The following NYAP2 variants were observed in gnomAD, a reference collection of about 807,000 sequenced individuals.
The protein encoded by NYAP2 is neuronal tyrosine-phosphorylated phosphoinositide-3-kinase adapter 2.
NYAP2 carries 23 observed loss-of-function variants against 50.4 expected under a neutral mutation model. That is an observed-to-expected ratio of 0.46 (90% CI 0.33 to 0.65). The LOEUF (loss-of-function observed/expected upper bound fraction) is 0.65, where lower values mean the gene tolerates loss of function less well. NYAP2 is among the 30% of genes least tolerant of loss of function. The pLI is 0.02. For missense variants in NYAP2, 885 were observed against 861.0 expected, an observed-to-expected ratio of 1.03 and a Z score of -0.35; for synonymous variants, 394 against 365.2, an observed-to-expected ratio of 1.08 and a Z score of -0.90.
chr2:225,509,285 G>A (rs1444545979), intron 3 of NYAP2, among the ~76,000 whole-genome samples: 1 of 152,142 alleles, frequency 6.6e-6, no homozygotes, highest in African/African-American at 2.4e-5. Flanking sequence ...AGTATCAAGA[G>A]GCACCCAAGT....
chr2:225,465,852 T>A (rs78935611), intron 3 of NYAP2, among the ~76,000 whole-genome samples: 4 of 152,206 alleles, frequency 2.6e-5, no homozygotes, highest in Non-Finnish European at 5.9e-5. Context: ...TACTAAAGTG[T>A]ACTTAATCTT....
chr2:225,700,055 CA>C, the NYAP2 span: 1 of 151,742 alleles, frequency 6.6e-6, no homozygotes, highest in Non-Finnish European at 1.5e-5. Flanking sequence ...GTATTGACAG[CA>C]ATAGTTCAGT....
chr2:225,688,914 T>C, the NYAP2 span, among the ~76,000 whole-genome samples: 1 of 152,124 alleles, frequency 6.6e-6, no homozygotes, highest in Non-Finnish European at 1.5e-5. Context: ...GGCTAATTTT[T>C]GTATTTTTAG....
chr2:225,661,303 GT>G, the NYAP2 span, among the ~76,000 whole-genome samples: 1 of 152,180 alleles, frequency 6.6e-6, no homozygotes, highest in Non-Finnish European at 1.5e-5. Context: ...TTTGCCATGA[GT>G]TTTTTACTCA....
chr2:225,427,032 G>T (rs953139066), intron 3 of NYAP2, among the ~76,000 whole-genome samples: 1 of 152,170 alleles, frequency 6.6e-6, no homozygotes, highest in African/African-American at 2.4e-5. Context: ...GTTTAGTTTA[G>T]ATTTTTATTG....
chr2:225,494,719 A>G (rs2106173338), intron 3 of NYAP2, among the ~76,000 whole-genome samples: 1 of 152,300 alleles, frequency 6.6e-6, no homozygotes, highest in Non-Finnish European at 1.5e-5. Flanking sequence ...GTCTATGGAA[A>G]GGTTATTTAC....
chr2:225,604,522 G>A (rs1692751295), intron 5 of NYAP2, among the ~76,000 whole-genome samples: 1 of 152,068 alleles, frequency 6.6e-6, no homozygotes, highest in African/African-American at 2.4e-5. Context: ...CTGAAACAGA[G>A]CTCCAGTTCT....
intron 2 of NYAP2, among the ~76,000 whole-genome samples, chr2:225,408,081 T>C (rs1231553458): frequency 6.6e-6 from 1 of 151,964 alleles, no homozygotes; most frequent in African/African-American, 2.4e-5. Context: ...TAGTTGAAAT[T>C]CCTATGCTTT....
intron 3 of NYAP2, among the ~76,000 whole-genome samples, chr2:225,424,126 G>A (rs923860406): frequency 1.3e-5 from 2 of 152,214 alleles, no homozygotes; most frequent in South Asian, 2.1e-4. Flanking sequence ...GTGAAAAAGA[G>A]AGTCTCTCTC....
intron 3 of NYAP2, among the ~76,000 whole-genome samples, chr2:225,483,446 T>C (rs1690240932): frequency 6.6e-6 from 1 of 152,180 alleles, no homozygotes; most frequent in Non-Finnish European, 1.5e-5. Context: ...AAAGAAATAG[T>C]ATTGTTTTCT....
At chr2:225,622,579 C>CTT (rs1559232990) in intron 5 of NYAP2, among the ~76,000 whole-genome samples, 104 of 71,582 alleles carry the variant, frequency 1.5e-3, no homozygotes, top group Middle Eastern at 9.3e-3. Flanking sequence ...TTCTTTCTTT[C>CTT]TTCTTTCTTT....
In NYAP2 at chr2:225,518,249, A is replaced by G. The variant is rs532725765; in HGVS notation, c.523+4577A>G. 2.6e-5 allele frequency among the ~76,000 whole-genome samples: 4 copies of G among 152,020 alleles called. No individual in the cohort carries two copies. In the East Asian group the frequency reaches 7.8e-4, roughly 29 times the overall value. ...GGAAGACATTATGTAAAATGAAATT[A>G]GCTAAGCACAGAAAGACAGATACTG... On this transcript the variant is annotated intron_variant, in intron 4 of 6. Transcript: ENST00000636099.
At chr2:225,506,766 T>C (rs1202005803) in intron 3 of NYAP2, among the ~76,000 whole-genome samples, 1 of 152,074 alleles carries the variant, frequency 6.6e-6, no homozygotes, top group Non-Finnish European at 1.5e-5. Flanking sequence ...ATTCCAAGAG[T>C]TAACAGGTGA....
chr2:225,429,218 C>T (rs1361368215), intron 3 of NYAP2, among the ~76,000 whole-genome samples: 1 of 152,038 alleles, frequency 6.6e-6, no homozygotes, highest in Non-Finnish European at 1.5e-5. Context: ...AATGACCTGC[C>T]CATCAGTTTC....
chr2:225,446,246 C>CTATATA (rs58633886), intron 3 of NYAP2, among the ~76,000 whole-genome samples: 4 of 82,264 alleles, frequency 4.9e-5, no homozygotes, highest in African/African-American at 1.8e-4. Flanking sequence ...CTCTCTCTCT[C>CTATATA]TATATATATA....
intron 3 of NYAP2, among the ~76,000 whole-genome samples, chr2:225,509,619 C>G (rs949344699): frequency 6.6e-6 from 1 of 152,272 alleles, no homozygotes; most frequent in Non-Finnish European, 1.5e-5. Context: ...GTTCAAATTG[C>G]TGAAGGGGCA....
intron 6 of NYAP2, among the ~76,000 whole-genome samples, chr2:225,632,384 C>T (rs1193758484): frequency 6.6e-6 from 1 of 152,144 alleles, no homozygotes; most frequent in Non-Finnish European, 1.5e-5. Flanking sequence ...TCTGCTTCTG[C>T]GTCTATTTCT....
At chr2:225,491,581 C>T (rs1690408265) in intron 3 of NYAP2, among the ~76,000 whole-genome samples, 1 of 152,094 alleles carries the variant, frequency 6.6e-6, no homozygotes, top group African/African-American at 2.4e-5. Flanking sequence ...AATGGTTTGT[C>T]TTTGGAAAGA....
At chr2:225,669,349 C>T in the NYAP2 span, among the ~76,000 whole-genome samples, 8 of 152,074 alleles carry the variant, frequency 5.3e-5, no homozygotes, top group African/African-American at 1.9e-4. Flanking sequence ...CTGCACATCA[C>T]GTCTCTACCT....
Sources: gnomAD v4.1 joint callset for allele counts (sites outside exome capture counted in the v4.1 genomes callset) on GRCh38, gnomAD v4.1.1 for gene constraint, MANE v1.5 for transcripts, NCBI Gene and HGNC (gene_info 2026-07-23, HGNC 2026-07-21) for gene names.